Variants in ACAD9 observed in about 807,000 individuals in gnomAD.
ACAD9 encodes the protein acyl-CoA dehydrogenase family member 9, also known as complex I assembly factor ACAD9, mitochondrial.
In ACAD9, 53 loss-of-function variants were observed where a neutral mutation model predicts 70.2. That is an observed-to-expected ratio of 0.75 (90% CI 0.61 to 0.95). The LOEUF (loss-of-function observed/expected upper bound fraction) is 0.95. Ranked by LOEUF, ACAD9 falls within the 40% of genes least tolerant of loss-of-function variation. ACAD9 has a pLI of 0.00. For missense variants in ACAD9, 777 were observed against 802.8 expected (o/e 0.97, Z 0.39); for synonymous variants, 313 against 312.1 (o/e 1.00, Z -0.03).
Position 128,899,289 on chromosome 3 carries a change from C to A in ACAD9, c.636C>A (p.Val212=), listed in dbSNP as rs2107653723. Residue 212 remains valine (V), a splice_region_variant and synonymous_variant, in exon 7 of 18, where the codon GTC becomes GTA. Transcript: ENST00000308982. ...AAAGTCCATCTTTCTGTCCTCAGGTCTGGATTACTAATGGAGGACTGGCCA... is the reference window on the plus strand; with the variant it reads ...AAAGTCCATCTTTCTGTCCTCAGGTATGGATTACTAATGGAGGACTGGCCA... ...KKHYILNGSK[V]WITNGGLANI... is the part of the protein sequence containing the mutation. The A allele has an allele frequency of 6.2e-7, 1 of 1,614,164 alleles. No individual in the cohort carries two copies. Among genetic ancestry groups the A allele is most frequent in the Non-Finnish European group, 8.5e-7 (1 of 1,180,030 alleles).
intron 11 of ACAD9, 133 bp from the exon 12 acceptor site, chr3:128,905,988 C>A: frequency 1.6e-6 from 2 of 1,226,396 alleles, no homozygotes; most frequent in Non-Finnish European, 2.3e-6. Context: ...AAGGACTTGA[C>A]CACATCACCC....
intron 2 of ACAD9, among the ~76,000 whole-genome samples, chr3:128,886,520 C>A (rs1294646122): frequency 1.3e-5 from 2 of 151,952 alleles, no homozygotes; most frequent in East Asian, 3.9e-4. Flanking sequence ...ACCAGCCTGA[C>A]CAACATGGAG....
intron 12 of ACAD9, among the ~76,000 whole-genome samples, chr3:128,906,813 G>C (rs1432081295): frequency 1.3e-5 from 2 of 152,160 alleles, no homozygotes; most frequent in African/African-American, 2.4e-5. Context: ...GTTTGGGGGT[G>C]TTGAAGAAGG....
In ACAD9 at chr3:128,884,773, C is replaced by T. The variant is rs147206100; in HGVS notation, c.244+27C>T. On this transcript the variant is annotated intron_variant, in intron 2 of 17. Transcript: ENST00000308982. ...TATGTATGGTTTTCTTTACCATTGC[C>T]GATTTCCATTGTAAGGGCTATTTGG... 96 of 1,524,016 alleles carry T rather than the reference C, an allele frequency of 6.3e-5. No individual in the cohort carries two copies. In the African/African-American group the frequency reaches 9.7e-4, roughly 15 times the overall value. 94.4% of individuals were successfully genotyped at this position (1,524,016 alleles called of 1,614,324 possible).
Position 128,912,828 on chromosome 3 carries a change from CGG to C in ACAD9, c.*222_*223del, listed in dbSNP as rs1491111282. On this transcript the variant is annotated 3_prime_UTR_variant, in exon 18 of 18. Coordinates refer to ENST00000308982, the MANE Select transcript of ACAD9 (RefSeq NM_014049.5). Reference sequence around the variant, plus strand: ...GACCATCACAGCTTCTGAACTGAGCCGGAGAGAGAGAATGGAATTGCTGACCC... The same window carrying C: ...GACCATCACAGCTTCTGAACTGAGCCAGAGAGAGAATGGAATTGCTGACCC... The C allele has an allele frequency of 4.8e-4, 334 of 699,162 alleles. 1 individual carries two copies. Among genetic ancestry groups the C allele is most frequent in the Non-Finnish European group, 8.1e-4 (305 of 376,638 alleles). 43.3% of individuals were successfully genotyped at this position (699,162 alleles called of 1,614,324 possible).
intron 2 of ACAD9, among the ~76,000 whole-genome samples, chr3:128,885,458 C>G (rs1226265311): frequency 6.6e-6 from 1 of 152,170 alleles, no homozygotes; most frequent in Non-Finnish European, 1.5e-5. Flanking sequence ...GTGGTACCAT[C>G]TCATCTCACC....
intron 7 of ACAD9, 62 bp downstream of exon 7, chr3:128,899,523 GGTGTGTGTGTGTGTGTGT>G (rs63473460): frequency 2.6e-5 from 28 of 1,068,746 alleles, no homozygotes; most frequent in Middle Eastern, 2.7e-4. Context: ...GGCCTTTGAC[GGTGTGTGTGTGTGTGTGT>G]GTGTGTGTGT....
rs1052796324 is a variant in ACAD9 at position 128,911,294 on chromosome 3, G to A, written c.1765+481G>A. Among the ~76,000 whole-genome samples, 42 of 152,254 alleles carry A rather than the reference G, an allele frequency of 2.8e-4. 1 individual carries two copies. The highest frequency in any genetic ancestry group is 5.3e-4 in the Non-Finnish European group (36 of 68,026). On this transcript the variant is annotated intron_variant, in intron 17 of 17. Transcript: ENST00000308982. ...GCTGGTCTCCAACTCCTGACCTCAG[G>A]TGATCTGCCTGCCTCAGCCTCCAAA...
chr3:128,882,117 A>G (rs1935111891), intron 1 of ACAD9, among the ~76,000 whole-genome samples: 1 of 152,052 alleles, frequency 6.6e-6, no homozygotes, highest in African/African-American at 2.4e-5. Flanking sequence ...AAGGCTCAAT[A>G]GATCCTCCCA....
At chr3:128,886,024 A>T (rs542161183) in intron 2 of ACAD9, among the ~76,000 whole-genome samples, 32 of 149,342 alleles carry the variant, frequency 2.1e-4, no homozygotes, top group African/African-American at 7.2e-4. Flanking sequence ...CTAAAAAAAA[A>T]AAATAAAATA....
At chr3:128,898,454 G>C in intron 6 of ACAD9, 1 of 427,088 alleles carries the variant, frequency 2.3e-6, no homozygotes, top group South Asian at 1.7e-5. Context: ...CACCCAGGCT[G>C]GAGTGCAGTG....
intron 7 of ACAD9, among the ~76,000 whole-genome samples, chr3:128,900,162 G>T (rs1935693700): frequency 6.6e-6 from 1 of 152,164 alleles, no homozygotes; most frequent in African/African-American, 2.4e-5. Flanking sequence ...GAACTCCTGA[G>T]CTCAGGCAGT....
rs145442792 is a variant in ACAD9 at position 128,896,417 on chromosome 3, C to A, written c.454-19C>A. On this transcript the variant is annotated intron_variant, in intron 4 of 17. Coordinates refer to ENST00000308982, the MANE Select transcript of ACAD9 (RefSeq NM_014049.5). ...CTTTCTCCCCACAGCTGACATTAGT[C>A]TGTGTCTGTTTTGTTTAGGGGATCA... 5.9e-4 allele frequency: 948 copies of A among 1,611,312 alleles called. 9 individuals carry two copies. The African/African-American group carries it at 0.011, about 20-fold the overall frequency.
chr3:128,908,330 C>T, intron 13 of ACAD9, 66 bp downstream of exon 13: 1 of 1,580,532 alleles, frequency 6.3e-7, no homozygotes, highest in Non-Finnish European at 8.7e-7. Flanking sequence ...CAGTCCAGGG[C>T]AGTGGGAGGA....
intron 4 of ACAD9, 134 bp from the exon 5 acceptor site, chr3:128,896,302 G>A: frequency 2.0e-6 from 2 of 982,306 alleles, no homozygotes; most frequent in Non-Finnish European, 3.2e-6. Flanking sequence ...TCTGCCTGTG[G>A]CCGCTTGCTC....
chr3:128,911,598 C>T (rs942963451), intron 17 of ACAD9, among the ~76,000 whole-genome samples: 1 of 151,878 alleles, frequency 6.6e-6, no homozygotes, highest in East Asian at 1.9e-4. Context: ...CCACCATGCC[C>T]AGCTAATATT....
chr3:128,904,644 G>A (rs1263679877), intron 11 of ACAD9, 139 bp downstream of exon 11: 63 of 1,410,112 alleles, frequency 4.5e-5, no homozygotes, highest in Non-Finnish European at 5.6e-5. Context: ...CTTGCCCTGT[G>A]TAGCACTCCA....
At chr3:128,894,661 AAGT>A (rs1935517635) in intron 3 of ACAD9, among the ~76,000 whole-genome samples, 1 of 151,190 alleles carries the variant, frequency 6.6e-6, no homozygotes, top group Non-Finnish European at 1.5e-5. Context: ...TAAGCCTTCC[AAGT>A]AGCTGGGACT....
chr3:128,909,226 C>A, intron 14 of ACAD9, 118 bp from the exon 15 acceptor site: 1 of 1,594,506 alleles, frequency 6.3e-7, no homozygotes, highest in Non-Finnish European at 8.6e-7. Context: ...CCAGCTAGTC[C>A]ATGACACCCT....
Sources: allele counts gnomAD v4.1 joint callset (sites outside exome capture counted in the v4.1 genomes callset), GRCh38; gene constraint gnomAD v4.1.1; transcripts MANE v1.5; gene names NCBI Gene and HGNC (gene_info 2026-07-23, HGNC 2026-07-21).